OLA1: variants seen among roughly 807,000 people sequenced by gnomAD.
The protein encoded by OLA1 is Obg like ATPase 1.
OLA1 carries 14 observed loss-of-function variants against 48.4 expected under a neutral mutation model. The ratio of observed to expected loss-of-function variants is 0.29; its 90% CI spans 0.19 to 0.45. The LOEUF (loss-of-function observed/expected upper bound fraction) is 0.45, where lower values mean the gene tolerates loss of function less well. Among genes scored for constraint, OLA1 ranks in the 20% least tolerant of loss-of-function variants. OLA1 has a pLI of 1.00. For synonymous variants in OLA1, 127 were observed against 150.4 expected (o/e 0.84, Z 1.14); for missense variants, 325 against 467.1 (o/e 0.70, Z 2.80).
At chr2:174,079,446 T>G (rs1684814988) in intron 9 of OLA1, 1 of 158,050 alleles carries the variant, frequency 6.3e-6, no homozygotes, top group African/African-American at 2.4e-5. Flanking sequence ...TATCAAAGGT[T>G]TTAAAAAGAT....
At chr2:174,222,367 T>G (rs1039614489) in intron 4 of OLA1, among the ~76,000 whole-genome samples, 21 of 152,170 alleles carry the variant, frequency 1.4e-4, no homozygotes, top group African/African-American at 4.8e-4. Context: ...CCCTCTCACC[T>G]CTAACTTGTG....
intron 7 of OLA1, among the ~76,000 whole-genome samples, chr2:174,116,999 G>A (rs538125415): frequency 3.9e-5 from 6 of 152,222 alleles, no homozygotes; most frequent in Non-Finnish European, 7.4e-5. Flanking sequence ...TACTCTAATG[G>A]AAGCCAAGGG....
intron 10 of OLA1, among the ~76,000 whole-genome samples, chr2:174,076,347 C>T (rs1490244595): frequency 6.6e-6 from 1 of 152,146 alleles, no homozygotes; most frequent in Non-Finnish European, 1.5e-5. Context: ...ACACTTAACA[C>T]TGCACACAGC....
At chr2:174,228,930 T>A (rs552443107) in intron 3 of OLA1, among the ~76,000 whole-genome samples, 1 of 152,314 alleles carries the variant, frequency 6.6e-6, no homozygotes, top group Non-Finnish European at 1.5e-5. Flanking sequence ...CAGGCTGAAG[T>A]GCAGTGGCGT....
At chr2:174,192,853 C>A (rs1448567995) in intron 4 of OLA1, among the ~76,000 whole-genome samples, 1 of 152,178 alleles carries the variant, frequency 6.6e-6, no homozygotes, top group African/African-American at 2.4e-5. Context: ...TCAGCCATCA[C>A]ACAAACTTCC....
At chr2:174,247,443 A>G (rs982743047) in intron 1 of OLA1, among the ~76,000 whole-genome samples, 12 of 152,206 alleles carry the variant, frequency 7.9e-5, no homozygotes, top group African/African-American at 2.9e-4. Flanking sequence ...TTAGCTACCA[A>G]TCTTCCATCC....
At chr2:174,189,260 T>C (rs567174241) in intron 4 of OLA1, among the ~76,000 whole-genome samples, 1 of 152,132 alleles carries the variant, frequency 6.6e-6, no homozygotes, top group African/African-American at 2.4e-5. Context: ...TATAAGTGAA[T>C]TATTTTGTAA....
intron 4 of OLA1, among the ~76,000 whole-genome samples, chr2:174,157,861 T>A (rs534011923): frequency 2.0e-5 from 3 of 152,156 alleles, no homozygotes; most frequent in African/African-American, 2.4e-5. Context: ...TGATGGTAGA[T>A]GCCCTGAAAC....
intron 4 of OLA1, among the ~76,000 whole-genome samples, chr2:174,195,153 A>G (rs150070780): frequency 6.6e-6 from 1 of 152,274 alleles, no homozygotes; most frequent in Non-Finnish European, 1.5e-5. Context: ...ATGGGTCTGT[A>G]ATGTAAAATC....
At chr2:174,114,341 CAAAAAAAAAAAAA>C (rs76471043) in intron 7 of OLA1, among the ~76,000 whole-genome samples, 5 of 60,630 alleles carry the variant, frequency 8.2e-5, no homozygotes, top group African/African-American at 1.8e-4. Context: ...GACTCCGCCT[CAAAAAAAAAAAAA>C]AAAAAAAAAA....
intron 2 of OLA1, among the ~76,000 whole-genome samples, chr2:174,238,212 T>C (rs749512121): frequency 1.3e-5 from 2 of 152,136 alleles, no homozygotes; most frequent in African/African-American, 2.4e-5. Context: ...AAAACACCAA[T>C]TGGCCAGCCA....
chr2:174,196,092 C>T (rs1413296139), intron 4 of OLA1, among the ~76,000 whole-genome samples: 1 of 152,036 alleles, frequency 6.6e-6, no homozygotes, highest in Non-Finnish European at 1.5e-5. Flanking sequence ...AGAGTTAATG[C>T]TCATGCGAAT....
intron 4 of OLA1, among the ~76,000 whole-genome samples, chr2:174,176,761 ATAAAG>A (rs764454300): frequency 6.6e-6 from 1 of 152,188 alleles, no homozygotes; most frequent in African/African-American, 2.4e-5. Flanking sequence ...ATGAATTAAA[ATAAAG>A]TAAACAATGC....
chr2:174,229,184 C>T lies in OLA1; in HGVS notation c.245+124G>A, dbSNP rs1181649015. On this transcript the variant is annotated intron_variant, in intron 3 of 10. Transcript: ENST00000284719. ...CCACCGCACCCAGCCCTCTGCATGA[C>T]TTTTATAATCACCCAAAACAATAAT... 1.0e-5 allele frequency: 11 copies of T among 1,063,316 alleles called. No individual in the cohort carries two copies. The East Asian group carries it at 2.6e-4, about 25-fold the overall frequency. 65.9% of individuals were successfully genotyped at this position (1,063,316 alleles called of 1,614,324 possible).
chr2:174,181,259 T>C (rs1687526438), intron 4 of OLA1, among the ~76,000 whole-genome samples: 1 of 152,158 alleles, frequency 6.6e-6, no homozygotes, highest in African/African-American at 2.4e-5. Flanking sequence ...AAAACTTCAC[T>C]GGAGTAGGTT....
intron 7 of OLA1, among the ~76,000 whole-genome samples, chr2:174,085,545 G>A (rs962249396): frequency 3.3e-5 from 5 of 152,224 alleles, no homozygotes; most frequent in African/African-American, 1.2e-4. Context: ...AGTCCCTGGT[G>A]CCAACAAGGT....
At chr2:174,145,685 C>T (rs767413583) in intron 4 of OLA1, among the ~76,000 whole-genome samples, 2 of 152,126 alleles carry the variant, frequency 1.3e-5, no homozygotes, top group African/African-American at 2.4e-5. Context: ...TCAATTTTGA[C>T]ATGTGATACT....
At chr2:174,231,136 G>A (rs1369943799) in intron 2 of OLA1, among the ~76,000 whole-genome samples, 1 of 152,126 alleles carries the variant, frequency 6.6e-6, no homozygotes, top group Admixed American at 6.6e-5. Context: ...TCAAGTAATT[G>A]GTAACACAGA....
chr2:174,093,514 C>G (rs905226107), intron 7 of OLA1, among the ~76,000 whole-genome samples: 5 of 151,120 alleles, frequency 3.3e-5, no homozygotes, highest in Non-Finnish European at 7.4e-5. Context: ...CAATCAAACA[C>G]CGCCACCACC....
Sources: gnomAD v4.1 joint callset for allele counts (sites outside exome capture counted in the v4.1 genomes callset) on GRCh38, gnomAD v4.1.1 for gene constraint, MANE v1.5 for transcripts, NCBI Gene and HGNC (gene_info 2026-07-23, HGNC 2026-07-21) for gene names.